Variants in NCKAP5 observed in about 807,000 individuals in gnomAD.
The protein encoded by NCKAP5 is nck-associated protein 5.
A neutral mutation model predicts 167.0 loss-of-function variants in NCKAP5; 92 were observed. The observed-to-expected ratio is 0.55, with a 90% CI of 0.47 to 0.66. NCKAP5 has a LOEUF of 0.66. Among genes scored for constraint, NCKAP5 ranks in the 30% least tolerant of loss-of-function variants. The pLI is 0.00. For missense variants in NCKAP5, 2,378 were observed against 2,315.0 expected, an observed-to-expected ratio of 1.03 and a Z score of -0.56; for synonymous variants, 891 against 877.4, an observed-to-expected ratio of 1.02 and a Z score of -0.27.
chr2:132,721,750 T>G (rs920881655), intron 19 of NCKAP5, among the ~76,000 whole-genome samples: 1 of 152,236 alleles, frequency 6.6e-6, no homozygotes, highest in Non-Finnish European at 1.5e-5. Flanking sequence ...ACATTTTCCC[T>G]TCCTGGCAGC....
At position 132,784,844 on chromosome 2, in the gene NCKAP5, C is replaced by A; in HGVS notation, c.1967G>T (p.Arg656Ile). The stretch of plus-strand genomic sequence containing the variant: ...TTCTGAAGAAGTCCTTTTTACAACT[C>A]TTTGCTGCTTAATGAAACTAAAAGT... Reference protein sequence around the residue: ...PKTFSFIKQQRVVKRTSSEEC... With the variant: ...PKTFSFIKQQIVVKRTSSEEC... Residue 656 changes from arginine (R) to isoleucine (I), a missense_variant, in exon 14 of 20, where the codon AGA becomes ATA. Arg to Ile is a moderately conservative substitution (Grantham distance 97). This residue lies in a region of NCKAP5 where 1,049 missense variants were observed against 1,023.4 expected (regional missense o/e 1.02). Transcript: ENST00000409261. 6.4e-7 allele frequency: 1 copy of A among 1,568,462 alleles called. No individual in the cohort carries two copies. The highest frequency in any genetic ancestry group is 8.6e-7 in the Non-Finnish European group (1 of 1,157,708).
At chr2:132,895,995 C>T (rs140632250) in intron 8 of NCKAP5, among the ~76,000 whole-genome samples, 351 of 152,104 alleles carry the variant, frequency 2.3e-3, no homozygotes, top group African/African-American at 7.7e-3. Flanking sequence ...ATTAGCTGGG[C>T]GTGGTGGGAA....
chr2:133,100,698 T>C (rs374491330), intron 6 of NCKAP5, among the ~76,000 whole-genome samples: 10 of 152,228 alleles, frequency 6.6e-5, no homozygotes, highest in African/African-American at 2.4e-4. Flanking sequence ...AATTTATCTT[T>C]TGATCAAATT....
intron 5 of NCKAP5, among the ~76,000 whole-genome samples, chr2:133,169,775 T>A (rs2084159529): frequency 6.6e-6 from 1 of 152,158 alleles, no homozygotes; most frequent in Non-Finnish European, 1.5e-5. Flanking sequence ...TACAATTGCT[T>A]TTGCACAGTT....
intron 5 of NCKAP5, among the ~76,000 whole-genome samples, chr2:133,172,388 G>T (rs2084284162): frequency 6.6e-6 from 1 of 152,182 alleles, no homozygotes; most frequent in Admixed American, 6.5e-5. Flanking sequence ...ATTCACTCCT[G>T]AATGACCCCA....
intron 10 of NCKAP5, among the ~76,000 whole-genome samples, chr2:132,861,244 C>A (rs1689886463): frequency 6.6e-6 from 1 of 152,092 alleles, no homozygotes; most frequent in African/African-American, 2.4e-5. Flanking sequence ...TTAGCCCATT[C>A]TGGCATCTGT....
At chr2:133,463,259 T>G (rs1448347544) in intron 3 of NCKAP5, among the ~76,000 whole-genome samples, 1 of 152,326 alleles carries the variant, frequency 6.6e-6, no homozygotes, top group African/African-American at 2.4e-5. Context: ...ACTTTGCTAA[T>G]CATATAGTTT....
rs549003623 is a variant in NCKAP5 at position 132,994,370 on chromosome 2, T to A, written c.342-131A>T. 315 of 642,602 alleles carry A rather than the reference T, an allele frequency of 4.9e-4. 2 individuals are homozygous for A. In the Admixed American group the frequency reaches 4.9e-3, roughly 10 times the overall value. 39.8% of individuals were successfully genotyped at this position (642,602 alleles called of 1,614,324 possible). A position where few individuals can be genotyped will look rare whatever the true frequency, so the allele number is the denominator to read the frequency against. ...CCTGGAAATCTCTTTTCTCTCTACTTCATCTTCTATCAGTTATCTGTCATG... is the reference window on the plus strand; with the variant it reads ...CCTGGAAATCTCTTTTCTCTCTACTACATCTTCTATCAGTTATCTGTCATG... On this transcript the variant is annotated intron_variant, in intron 6 of 19. Coordinates refer to ENST00000409261, the MANE Select transcript of NCKAP5 (RefSeq NM_207363.3).
intron 3 of NCKAP5, among the ~76,000 whole-genome samples, chr2:133,352,645 G>C (rs965005861): frequency 1.3e-5 from 2 of 152,178 alleles, no homozygotes; most frequent in East Asian, 1.9e-4. Context: ...GGAGGCATGG[G>C]GATGGGTGGA....
At chr2:133,178,862 T>C (rs2084602865) in intron 5 of NCKAP5, among the ~76,000 whole-genome samples, 1 of 143,840 alleles carries the variant, frequency 7.0e-6, no homozygotes, top group South Asian at 2.2e-4. Flanking sequence ...AACCCAGGTC[T>C]CTCCTAATAT....
intron 6 of NCKAP5, among the ~76,000 whole-genome samples, chr2:133,063,797 A>G (rs934291698): frequency 4.6e-5 from 7 of 152,210 alleles, no homozygotes; most frequent in African/African-American, 1.7e-4. Context: ...CCTGGCCAAG[A>G]TGTTTTCAGT....
the NCKAP5 span, among the ~76,000 whole-genome samples, chr2:133,613,975 G>C: frequency 6.6e-6 from 1 of 152,164 alleles, no homozygotes; most frequent in Non-Finnish European, 1.5e-5. Flanking sequence ...ATTTGCAGGG[G>C]ACTAAGATGG....
chr2:133,495,598 T>G (rs929480984), intron 3 of NCKAP5, among the ~76,000 whole-genome samples: 9 of 152,270 alleles, frequency 5.9e-5, no homozygotes, highest in Non-Finnish European at 1.0e-4. Context: ...GACAGCCAGT[T>G]TTTGAAGGAC....
intron 3 of NCKAP5, among the ~76,000 whole-genome samples, chr2:133,361,047 A>AT (rs112813662): frequency 0.045 from 6,756 of 151,670 alleles, 478 homozygotes; most frequent in African/African-American, 0.15. Context: ...TGACTGGAGA[A>AT]TCTTACTGAG....
chr2:132,818,171 C>T (rs1388204860), intron 11 of NCKAP5, among the ~76,000 whole-genome samples: 4 of 152,142 alleles, frequency 2.6e-5, no homozygotes, highest in Non-Finnish European at 5.9e-5. Flanking sequence ...TGGTTTCCAA[C>T]TACTGGGCTC....
chr2:133,260,757 C>T (rs2088866152), intron 4 of NCKAP5, among the ~76,000 whole-genome samples: 1 of 152,108 alleles, frequency 6.6e-6, no homozygotes, highest in South Asian at 2.1e-4. Flanking sequence ...AGAGGAAAAA[C>T]AAAAGTAGAA....
intron 3 of NCKAP5, among the ~76,000 whole-genome samples, chr2:133,497,118 T>C (rs1330365718): frequency 6.6e-6 from 1 of 152,206 alleles, no homozygotes; most frequent in Non-Finnish European, 1.5e-5. Flanking sequence ...GATAGGGTTA[T>C]AGAGCATATA....
At chr2:132,823,371 G>A (rs1287966892) in intron 11 of NCKAP5, among the ~76,000 whole-genome samples, 2 of 152,108 alleles carry the variant, frequency 1.3e-5, no homozygotes, top group African/African-American at 2.4e-5. Flanking sequence ...AATCTTATAA[G>A]CCAGAAGGGA....
At chr2:133,343,468 A>C (rs1223610268) in intron 3 of NCKAP5, among the ~76,000 whole-genome samples, 1 of 152,192 alleles carries the variant, frequency 6.6e-6, no homozygotes, top group Admixed American at 6.5e-5. Context: ...GGATTATCAC[A>C]GAGGCCAGTA....
Sources: gnomAD v4.1 joint callset for allele counts (sites outside exome capture counted in the v4.1 genomes callset) on GRCh38, gnomAD v4.1.1 for gene constraint, gnomAD v4.1.1 regional missense constraint, MANE v1.5 for transcripts, NCBI Gene and HGNC (gene_info 2026-07-23, HGNC 2026-07-21) for gene names.